Variants in GPATCH8 observed in about 807,000 individuals in gnomAD.
The protein encoded by GPATCH8 is G patch domain-containing protein 8.
Under a neutral mutation model 118.3 loss-of-function variants are expected in GPATCH8, and 18 were observed. That is an observed-to-expected ratio of 0.15 (90% confidence interval 0.11 to 0.23). The LOEUF (loss-of-function observed/expected upper bound fraction) is 0.23, where lower values mean the gene tolerates loss of function less well. Ranked by LOEUF, GPATCH8 falls within the 10% of genes least tolerant of loss-of-function variation. The pLI is 1.00. For missense variants in GPATCH8, 1,631 were observed against 1,873.8 expected (o/e 0.87, Z 2.39); for synonymous variants, 659 against 684.7 (o/e 0.96, Z 0.59).
rs755289846 is a variant in GPATCH8 at position 44,398,307 on chromosome 17, T to C, written c.3770A>G (p.Asp1257Gly). ...CACAGGGCCTGGCTGACTGCTGCTA[T>C]CCAGGGACTCCAGGGTGTCCCCATC... ...PSDGDTLESL[D>G]SSSQPGPVES... Residue 1257 changes from aspartate to glycine, a missense_variant, in exon 8 of 8, where the codon GAT (aspartate) becomes GGT (glycine). Physicochemically the swap from Asp to Gly is moderately conservative, Grantham distance 94. Around this residue, in one of 8 missense-constraint regions of GPATCH8, gnomAD observed 922 missense variants for 879.7 expected, o/e 1.05. Coordinates refer to ENST00000591680, the MANE Select transcript of GPATCH8 (RefSeq NM_001002909.4). The C allele has an allele frequency of 1.2e-6, 2 of 1,613,982 alleles. No homozygotes were observed. Among genetic ancestry groups the C allele is most frequent in the Non-Finnish European group, 8.5e-7 (1 of 1,179,928 alleles).
chr17:44,477,437 T>C (rs1967867016), intron 1 of GPATCH8, among the ~76,000 whole-genome samples: 1 of 152,148 alleles, frequency 6.6e-6, no homozygotes, highest in African/African-American at 2.4e-5. Flanking sequence ...GGTCTCACTA[T>C]GTTGCCCAGG....
rs1967621328 is a variant in GPATCH8, at chr17:44,474,961, C to T, written c.46-58G>A. On this transcript the variant is annotated intron_variant, in intron 1 of 7. Coordinates refer to ENST00000591680, the MANE Select transcript of GPATCH8 (RefSeq NM_001002909.4). ...AGCAGTTAAGTGTCAAATCTATTAA[C>T]AGCTTAACCAAACTAAGGATTATTT... 11 of 812,594 alleles carry T rather than the reference C, an allele frequency of 1.4e-5. No individual in the cohort carries two copies. The Admixed American group carries it at 1.8e-4, about 13-fold the overall frequency. The allele number at this position is 812,594 out of a possible 1,614,324, so 50.3% of individuals were successfully genotyped here. A position where few individuals can be genotyped will look rare whatever the true frequency, so the allele number is the denominator to read the frequency against.
chr17:44,396,763 G>C lies in GPATCH8; in HGVS notation c.*805C>G. ...AGCATTTACGTTTATAGAGTTCAGT[G>C]CAATTTTTTACATTAAAAAAATCCT... is the stretch of plus-strand genomic sequence containing the variant. On this transcript the variant is annotated 3_prime_UTR_variant, in exon 8 of 8. Coordinates refer to ENST00000591680, the MANE Select transcript of GPATCH8 (RefSeq NM_001002909.4). 1 of 453,694 alleles carries C rather than the reference G, an allele frequency of 2.2e-6. No individual in the cohort carries two copies. The highest frequency in any genetic ancestry group is 1.6e-5 in the South Asian group (1 of 64,248). 28.1% of individuals were successfully genotyped at this position (453,694 alleles called of 1,614,324 possible). A position where few individuals can be genotyped will look rare whatever the true frequency, so the allele number is the denominator to read the frequency against.
chr17:44,466,189 G>A (rs2051756219), intron 2 of GPATCH8, among the ~76,000 whole-genome samples: 1 of 151,040 alleles, frequency 6.6e-6, no homozygotes, highest in Non-Finnish European at 1.5e-5. Flanking sequence ...TTTATTTTTT[G>A]TAGAGATGAG....
intron 6 of GPATCH8, among the ~76,000 whole-genome samples, chr17:44,421,397 G>T (rs375053881): frequency 9.9e-5 from 15 of 151,878 alleles, no homozygotes; most frequent in African/African-American, 2.9e-4. Context: ...ATGGAGTCTC[G>T]CTCTGTCACC....
At chr17:44,477,217 T>A (rs760146277) in intron 1 of GPATCH8, among the ~76,000 whole-genome samples, 4 of 152,264 alleles carry the variant, frequency 2.6e-5, no homozygotes, top group Non-Finnish European at 5.9e-5. Context: ...TTTCTCTCAC[T>A]AGACTGTGAA....
chr17:44,421,750 A>C (rs1372559887), intron 6 of GPATCH8, among the ~76,000 whole-genome samples: 1 of 141,850 alleles, frequency 7.0e-6, no homozygotes, highest in East Asian at 2.1e-4. Context: ...TTTTTGAGAC[A>C]GGGTCTTGCT....
At chr17:44,471,209 T>C (rs925993404) in intron 2 of GPATCH8, among the ~76,000 whole-genome samples, 1 of 152,200 alleles carries the variant, frequency 6.6e-6, no homozygotes, top group Non-Finnish European at 1.5e-5. Flanking sequence ...AAAATATTAT[T>C]AAATGCTTTA....
intron 1 of GPATCH8, among the ~76,000 whole-genome samples, chr17:44,497,544 C>A (rs1328396569): frequency 1.3e-5 from 2 of 151,884 alleles, no homozygotes; most frequent in East Asian, 3.9e-4. Flanking sequence ...GCCATGATCG[C>A]GTCACTGCAC....
chr17:44,499,656 G>A (rs1047541702), intron 1 of GPATCH8, among the ~76,000 whole-genome samples: 5 of 152,096 alleles, frequency 3.3e-5, no homozygotes, highest in African/African-American at 9.7e-5. Context: ...GTACATCACT[G>A]TACAAACAAA....
intron 5 of GPATCH8, among the ~76,000 whole-genome samples, chr17:44,432,269 G>A (rs1255024403): frequency 2.0e-5 from 3 of 152,128 alleles, no homozygotes; most frequent in African/African-American, 7.2e-5. Context: ...TGAAGTATGA[G>A]AGCAGGTGAA....
At chr17:44,432,606 T>G in intron 5 of GPATCH8, among the ~76,000 whole-genome samples, 3 of 151,532 alleles carry the variant, frequency 2.0e-5, no homozygotes, top group African/African-American at 4.9e-5. Flanking sequence ...GGAAAGGGAG[T>G]TGGAATCAAA....
intron 3 of GPATCH8, among the ~76,000 whole-genome samples, chr17:44,443,199 TA>T (rs1035204809): frequency 6.6e-5 from 10 of 152,074 alleles, no homozygotes; most frequent in Admixed American, 3.3e-4. Flanking sequence ...AAAATCAAGA[TA>T]AAAAAAATTA....
chr17:44,474,812 A>G lies in GPATCH8; in HGVS notation c.120+17T>C, dbSNP rs147568588. 1.7e-4 allele frequency: 238 copies of G among 1,385,962 alleles called. 2 individuals are homozygous for G. In the East Asian group the frequency reaches 3.9e-3, roughly 23 times the overall value. The allele number at this position is 1,385,962 out of a possible 1,614,324, so 85.9% of individuals were successfully genotyped here. On this transcript the variant is annotated intron_variant, in intron 2 of 7. Coordinates refer to ENST00000591680, the MANE Select transcript of GPATCH8 (RefSeq NM_001002909.4). ...ACTAACTAGCTAAGACCCGAAATTA[A>G]GCACTGATTATCTTACCGATTCTAT...
chr17:44,453,319 A>G (rs1395824642), intron 3 of GPATCH8, among the ~76,000 whole-genome samples: 2 of 152,192 alleles, frequency 1.3e-5, no homozygotes, highest in Non-Finnish European at 2.9e-5. Context: ...ACCCTTGGGC[A>G]ACATATTGGA....
intron 2 of GPATCH8, chr17:44,466,029 T>G (rs889225362): frequency 5.9e-5 from 9 of 152,138 alleles, no homozygotes; most frequent in African/African-American, 1.9e-4. Flanking sequence ...AGGACTTTTT[T>G]TTTTCTGATA....
Position 44,446,899 on chromosome 17 carries a change from A to G in GPATCH8, c.194-10354T>C, listed in dbSNP as rs150651192. Among the ~76,000 whole-genome samples, 7 of 151,826 alleles carry G rather than the reference A, an allele frequency of 4.6e-5. No individual in the cohort carries two copies. The East Asian group carries it at 9.7e-4, about 21-fold the overall frequency. ...ACCCAGGCTGGAGCACAGTGTCACA[A>G]TCTTGGCTCACTGCAACCTCCGCCT... is the stretch of plus-strand genomic sequence containing the variant. On this transcript the variant is annotated intron_variant, in intron 3 of 7. Coordinates refer to ENST00000591680, the MANE Select transcript of GPATCH8 (RefSeq NM_001002909.4).
intron 1 of GPATCH8, among the ~76,000 whole-genome samples, chr17:44,498,572 A>G (rs919030931): frequency 5.3e-5 from 8 of 152,238 alleles, no homozygotes; most frequent in African/African-American, 1.7e-4. Flanking sequence ...ACCAATGTCA[A>G]TATCATTTTG....
At position 44,399,486 on chromosome 17, in the gene GPATCH8, C is replaced by G. The variant is rs149956556; in HGVS notation, c.2591G>C (p.Arg864Pro). ...ACTTGAGTAAGAACGCCGGGAGGAA[C>G]GATGCGAGGAATGGCGCCGGCCAGA... ...SRSGRRHSSH[R>P]SSRRSYSSSS... is the part of the protein sequence containing the mutation. Residue 864 changes from arginine (R) to proline (P), a missense_variant, in exon 8 of 8, where the codon CGT becomes CCT. By Grantham distance (103) the Arg-to-Pro change is moderately radical. Transcript: ENST00000591680. 123 of 1,614,200 alleles carry G rather than the reference C, an allele frequency of 7.6e-5. 2 individuals carry two copies. In the South Asian group the frequency reaches 1.2e-3, roughly 16 times the overall value.
Sources: gnomAD v4.1 joint callset for allele counts (sites outside exome capture counted in the v4.1 genomes callset) on GRCh38, gnomAD v4.1.1 for gene constraint, gnomAD v4.1.1 regional missense constraint, MANE v1.5 for transcripts, NCBI Gene and HGNC (gene_info 2026-07-23, HGNC 2026-07-21) for gene names.